Variants in LIFR observed in about 807,000 individuals in gnomAD.
LIFR encodes LIF receptor subunit alpha, also known as leukemia inhibitory factor receptor.
In LIFR, 84 loss-of-function variants were observed where a neutral mutation model predicts 122.2. That is an observed-to-expected ratio of 0.69 (90% CI 0.58 to 0.82). LIFR has a LOEUF of 0.82. Ranked by LOEUF, LIFR falls within the 40% of genes least tolerant of loss-of-function variation. The pLI, the probability that LIFR is intolerant of heterozygous loss-of-function variation, is 0.00. For synonymous variants in LIFR, 422 were observed against 434.7 expected (o/e 0.97, Z 0.36); for missense variants, 1,294 against 1,311.6 (o/e 0.99, Z 0.21).
intron 2 of LIFR, among the ~76,000 whole-genome samples, chr5:38,604,882 G>A (rs1321495144): frequency 6.6e-6 from 1 of 152,074 alleles, no homozygotes; most frequent in Non-Finnish European, 1.5e-5. Flanking sequence ...GCTTTGATCT[G>A]GAAGGGCAAG....
At chr5:38,574,156 G>A (rs1282062828) in intron 1 of LIFR, among the ~76,000 whole-genome samples, 1 of 151,864 alleles carries the variant, frequency 6.6e-6, no homozygotes, top group Non-Finnish European at 1.5e-5. Flanking sequence ...ATCAAGGTAA[G>A]CCAACCACTT....
chr5:38,534,641 T>G (rs1448589271), intron 1 of LIFR, among the ~76,000 whole-genome samples: 2 of 152,114 alleles, frequency 1.3e-5, no homozygotes, highest in African/African-American at 2.4e-5. Flanking sequence ...TATCAAAATA[T>G]CTGTATCAAA....
At chr5:38,508,194 CTT>C (rs1319691243) in intron 7 of LIFR, among the ~76,000 whole-genome samples, 1 of 152,082 alleles carries the variant, frequency 6.6e-6, no homozygotes, top group East Asian at 1.9e-4. Flanking sequence ...AAGAAATTAA[CTT>C]ATAAAATAAT....
chr5:38,559,432 C>T (rs1434880814), upstream of LIFR, among the ~76,000 whole-genome samples: 5 of 152,130 alleles, frequency 3.3e-5, no homozygotes, highest in East Asian at 7.7e-4. Flanking sequence ...TGAATTAATC[C>T]ATATGGACTC....
intron 11 of LIFR, among the ~76,000 whole-genome samples, chr5:38,501,649 G>A (rs546344525): frequency 9.7e-4 from 147 of 152,190 alleles, no homozygotes; most frequent in African/African-American, 3.4e-3. Context: ...GCTGAGGCAG[G>A]AGAATCACTT....
At chr5:38,493,508 C>T in intron 14 of LIFR, 98 bp downstream of exon 14, 4 of 1,163,918 alleles carry the variant, frequency 3.4e-6, no homozygotes, top group Non-Finnish European at 5.2e-6. Context: ...TTATACCCAT[C>T]CAGCAGTAAA....
intron 1 of LIFR, among the ~76,000 whole-genome samples, chr5:38,580,120 G>A (rs1749532696): frequency 6.6e-6 from 1 of 152,150 alleles, no homozygotes; most frequent in Non-Finnish European, 1.5e-5. Context: ...TAGTATAAAA[G>A]TACTTAATTC....
intron 1 of LIFR, among the ~76,000 whole-genome samples, chr5:38,542,378 T>C (rs1747639159): frequency 6.6e-6 from 1 of 152,186 alleles, no homozygotes; most frequent in African/African-American, 2.4e-5. Context: ...AGAGGCAGCA[T>C]GATGCCTCTA....
At position 38,479,158 on chromosome 5, in the gene LIFR, T is replaced by C. The variant is rs925267459; in HGVS notation, c.*2437A>G. The C allele has an allele frequency of 1.7e-5, 4 of 231,838 alleles. No individual in the cohort carries two copies. The highest frequency in any genetic ancestry group is 2.6e-5 in the Non-Finnish European group (3 of 117,202). 14.4% of individuals were successfully genotyped at this position (231,838 alleles called of 1,614,324 possible). ...GGAGTAGAGGTAATATCCTGGGATCTACACAAGGGTCTAGCTGTCTTGAAT... is the reference window on the plus strand; with the variant it reads ...GGAGTAGAGGTAATATCCTGGGATCCACACAAGGGTCTAGCTGTCTTGAAT... On this transcript the variant is annotated 3_prime_UTR_variant, in exon 20 of 20. Coordinates refer to ENST00000453190, the MANE Select transcript of LIFR (RefSeq NM_001127671.2).
rs372638596 is a variant in LIFR at position 38,583,518 on chromosome 5, C to T, written c.-20+11743G>A. On this transcript the variant is annotated intron_variant, in intron 1 of 19. Coordinates refer to the LIFR transcript ENST00000263409. Reference sequence around the variant, plus strand: ...ACAGTCAACAAAAAGAAAAGGCAACCTACAGACTGGGAAAAAGTACTTGCA... The same window carrying T: ...ACAGTCAACAAAAAGAAAAGGCAACTTACAGACTGGGAAAAAGTACTTGCA... Among the ~76,000 whole-genome samples, 52 of 152,192 alleles carry T rather than the reference C, an allele frequency of 3.4e-4. 1 individual carries two copies. In the South Asian group the frequency reaches 1.0e-2, roughly 29 times the overall value.
upstream of LIFR, among the ~76,000 whole-genome samples, chr5:38,560,178 A>G (rs1226899153): frequency 6.6e-6 from 1 of 152,200 alleles, no homozygotes; most frequent in Non-Finnish European, 1.5e-5. Context: ...GAAGCAAAAA[A>G]AAAAACATTC....
chr5:38,546,992 G>A (rs1747928786), intron 1 of LIFR, among the ~76,000 whole-genome samples: 1 of 152,160 alleles, frequency 6.6e-6, no homozygotes, highest in Non-Finnish European at 1.5e-5. Flanking sequence ...CAGCTTGGTT[G>A]CTCTCCAGTC....
intron 1 of LIFR, among the ~76,000 whole-genome samples, chr5:38,606,687 TA>T (rs1180354978): frequency 6.6e-6 from 1 of 152,232 alleles, no homozygotes; most frequent in East Asian, 1.9e-4. Flanking sequence ...GCTCAGAGGT[TA>T]ACATGCTCAG....
At chr5:38,607,819 G>C (rs9688046) in intron 1 of LIFR, 48,413 of 152,092 alleles carry the variant, frequency 0.32, 8,970 homozygotes, top group Middle Eastern at 0.44. Context: ...GACAAGTAAG[G>C]TCAGGTGCAT....
At position 38,542,091 on chromosome 5, in the gene LIFR, A is replaced by C. The variant is rs56761774; in HGVS notation, c.-19-11425T>G. On this transcript the variant is annotated intron_variant, in intron 1 of 19. Coordinates refer to ENST00000453190, the MANE Select transcript of LIFR (RefSeq NM_001127671.2). ...GATAATCTAATATCAAAGTATTAAC[A>C]TGAAACATAAATTATGATTGTTGGT... Among the ~76,000 whole-genome samples, 1,774 of 152,338 alleles carry C rather than the reference A, an allele frequency of 0.012. 181 individuals are homozygous for C. The East Asian group carries it at 0.25, about 21-fold the overall frequency.
chr5:38,487,018 C>G (rs990950744), intron 16 of LIFR, among the ~76,000 whole-genome samples: 3 of 152,150 alleles, frequency 2.0e-5, no homozygotes, highest in Non-Finnish European at 2.9e-5. Context: ...CTTCCCATAT[C>G]CTCCAATGTA....
intron 1 of LIFR, among the ~76,000 whole-genome samples, chr5:38,541,660 TTAA>T (rs1747598922): frequency 6.6e-6 from 1 of 152,222 alleles, no homozygotes; most frequent in African/African-American, 2.4e-5. Context: ...GGTATCTTCA[TTAA>T]TGAGTTGCAT....
intron 2 of LIFR, among the ~76,000 whole-genome samples, chr5:38,604,712 C>A (rs1580256680): frequency 1.3e-5 from 2 of 149,820 alleles, no homozygotes; most frequent in Non-Finnish European, 1.5e-5. Context: ...AAAAAAAAAA[C>A]AAAACAAAAA....
chr5:38,568,281 G>C (rs1749093827), intron 1 of LIFR, among the ~76,000 whole-genome samples: 1 of 152,188 alleles, frequency 6.6e-6, no homozygotes, highest in African/African-American at 2.4e-5. Flanking sequence ...ATGCTAAATG[G>C]AGTAGTTGGA....
Sources: gnomAD v4.1 joint callset for allele counts (sites outside exome capture counted in the v4.1 genomes callset) on GRCh38, gnomAD v4.1.1 for gene constraint, MANE v1.5 for transcripts, NCBI Gene and HGNC (gene_info 2026-07-23, HGNC 2026-07-21) for gene names.